FNDC3A: variants seen among roughly 807,000 people sequenced by gnomAD.
FNDC3A encodes fibronectin type-III domain-containing protein 3A.
FNDC3A carries 32 observed loss-of-function variants against 148.9 expected under a neutral mutation model. That is an observed-to-expected ratio of 0.21 (90% CI 0.16 to 0.29). The LOEUF is 0.29. FNDC3A is among the 10% of genes least tolerant of loss of function. The pLI, the probability that FNDC3A is intolerant of heterozygous loss-of-function variation, is 1.00. For synonymous variants in FNDC3A, 472 were observed against 473.6 expected, an observed-to-expected ratio of 1.00 and a Z score of 0.04; for missense variants, 1,191 against 1,452.8, an observed-to-expected ratio of 0.82 and a Z score of 2.93.
chr13:49,171,882 G>A (rs1282455647), intron 10 of FNDC3A, among the ~76,000 whole-genome samples, 161 bp from the exon 11 acceptor site: 1 of 151,904 alleles, frequency 6.6e-6, no homozygotes, highest in African/African-American at 2.4e-5. Flanking sequence ...AGGATTATAG[G>A]GCATACAATA....
chr13:48,999,228 GGAT>G (rs1190292839), intron 1 of FNDC3A, among the ~76,000 whole-genome samples: 1 of 152,208 alleles, frequency 6.6e-6, no homozygotes, highest in African/African-American at 2.4e-5. Flanking sequence ...TCACCCCAGT[GGAT>G]ATGGAAAGCA....
chr13:49,134,923 A>T (rs1882264044), intron 5 of FNDC3A, among the ~76,000 whole-genome samples: 1 of 127,754 alleles, frequency 7.8e-6, no homozygotes, highest in Non-Finnish European at 1.5e-5. Context: ...ATCTCGGCTC[A>T]CTGCAACCTC....
At chr13:49,064,724 A>G (rs756222962) in intron 2 of FNDC3A, among the ~76,000 whole-genome samples, 2 of 152,158 alleles carry the variant, frequency 1.3e-5, no homozygotes, top group Non-Finnish European at 2.9e-5. Flanking sequence ...GAGACTTTAT[A>G]GCATGGTGAG....
intron 1 of FNDC3A, among the ~76,000 whole-genome samples, chr13:48,982,466 T>C (rs1231385773): frequency 1.3e-5 from 2 of 152,154 alleles, no homozygotes; most frequent in Non-Finnish European, 2.9e-5. Flanking sequence ...AAATAGTATG[T>C]TCGCATTTTT....
chr13:49,076,768 AT>A (rs1020562595), intron 3 of FNDC3A, among the ~76,000 whole-genome samples: 5 of 151,806 alleles, frequency 3.3e-5, no homozygotes, highest in African/African-American at 1.2e-4. Context: ...TGCACCATTC[AT>A]TTACCAAATA....
intron 2 of FNDC3A, among the ~76,000 whole-genome samples, chr13:49,060,380 A>T (rs1876580741): frequency 6.6e-6 from 1 of 152,186 alleles, no homozygotes; most frequent in African/African-American, 2.4e-5. Context: ...CTGGTGGCTC[A>T]TGCCTGTAAT....
At chr13:49,128,141 A>G (rs1038210729) in intron 4 of FNDC3A, among the ~76,000 whole-genome samples, 3 of 152,072 alleles carry the variant, frequency 2.0e-5, no homozygotes, top group African/African-American at 7.2e-5. Flanking sequence ...CGGCCTCCCA[A>G]AGTGCTGGGA....
intron 2 of FNDC3A, among the ~76,000 whole-genome samples, chr13:49,018,828 C>T (rs1873046386): frequency 6.6e-6 from 1 of 152,206 alleles, no homozygotes; most frequent in East Asian, 1.9e-4. Flanking sequence ...ACAGACAGGA[C>T]CCTCAGCTGC....
chr13:49,110,474 T>A, intron 3 of FNDC3A: 1 of 1,059,760 alleles, frequency 9.4e-7, no homozygotes, highest in Non-Finnish European at 1.5e-6. Flanking sequence ...TAATCTAAAG[T>A]CATGCCGTGT....
intron 11 of FNDC3A, among the ~76,000 whole-genome samples, chr13:49,173,150 T>C (rs892421971): frequency 6.6e-6 from 1 of 152,242 alleles, no homozygotes; most frequent in Non-Finnish European, 1.5e-5. Flanking sequence ...TAGTACATTG[T>C]TTTTACTATC....
intron 8 of FNDC3A, among the ~76,000 whole-genome samples, chr13:49,166,921 A>G (rs1884495585): frequency 6.6e-6 from 1 of 152,214 alleles, no homozygotes; most frequent in African/African-American, 2.4e-5. Context: ...ACTGTGCAAA[A>G]TGGATTTTTA....
At chr13:48,977,904 C>A (rs1951631775) in intron 1 of FNDC3A, among the ~76,000 whole-genome samples, 1 of 150,616 alleles carries the variant, frequency 6.6e-6, no homozygotes, top group Admixed American at 6.6e-5. Flanking sequence ...ATTTTTTATC[C>A]CAGGCTGGCT....
chr13:49,075,569 T>A (rs1353773795), intron 3 of FNDC3A, among the ~76,000 whole-genome samples: 2 of 152,198 alleles, frequency 1.3e-5, no homozygotes, highest in African/African-American at 4.8e-5. Flanking sequence ...TGTTGATTAT[T>A]CTTGATATAT....
chr13:49,172,111 T>C lies in FNDC3A; in HGVS notation c.1230+15T>C, dbSNP rs1884784040. ...AATGGGATGAAGTAAGTAAATTGAATCTTTTTAAATGGTTAACATTATGTG... is the reference window on the plus strand; with the variant it reads ...AATGGGATGAAGTAAGTAAATTGAACCTTTTTAAATGGTTAACATTATGTG... On this transcript the variant is annotated intron_variant, in intron 11 of 25. Coordinates refer to ENST00000492622, the MANE Select transcript of FNDC3A (RefSeq NM_001079673.2). The C allele has an allele frequency of 5.3e-6, 8 of 1,516,908 alleles. No individual in the cohort carries two copies. The South Asian group carries it at 5.7e-5, about 11-fold the overall frequency. 94.0% of individuals were successfully genotyped at this position (1,516,908 alleles called of 1,614,324 possible).
intron 4 of FNDC3A, among the ~76,000 whole-genome samples, chr13:49,117,263 A>G (rs901466667): frequency 8.5e-5 from 13 of 152,186 alleles, no homozygotes; most frequent in Admixed American, 4.6e-4. Context: ...TGTACACTCA[A>G]TGAAGTCTAG....
At chr13:49,098,348 G>A (rs538798446) in intron 3 of FNDC3A, among the ~76,000 whole-genome samples, 14 of 152,096 alleles carry the variant, frequency 9.2e-5, no homozygotes, top group African/African-American at 2.6e-4. Context: ...TATCACTGCC[G>A]TGTGATGTCA....
intron 3 of FNDC3A, among the ~76,000 whole-genome samples, chr13:49,079,033 CT>C (rs1878299730): frequency 6.6e-6 from 1 of 152,158 alleles, no homozygotes; most frequent in Non-Finnish European, 1.5e-5. Flanking sequence ...AGCTTTATTA[CT>C]TGTTCAGAAT....
intron 2 of FNDC3A, among the ~76,000 whole-genome samples, chr13:49,049,613 G>A (rs778356054): frequency 1.9e-3 from 287 of 152,184 alleles, no homozygotes; most frequent in Non-Finnish European, 3.1e-3. Context: ...GTTCATAGTA[G>A]CCTTGAATAA....
intron 1 of FNDC3A, among the ~76,000 whole-genome samples, chr13:49,002,130 A>G (rs754465079): frequency 3.4e-4 from 51 of 152,176 alleles, no homozygotes; most frequent in Non-Finnish European, 2.4e-4. Flanking sequence ...TATCAGGGGC[A>G]GGTTCCCCCA....
Sources: gnomAD v4.1 joint callset for allele counts (sites outside exome capture counted in the v4.1 genomes callset) on GRCh38, gnomAD v4.1.1 for gene constraint, MANE v1.5 for transcripts, NCBI Gene and HGNC (gene_info 2026-07-23, HGNC 2026-07-21) for gene names.